Variants in CAMKK2 observed in about 807,000 individuals in gnomAD.
CAMKK2 encodes calcium/calmodulin-dependent protein kinase kinase 2.
A neutral mutation model predicts 67.2 loss-of-function variants in CAMKK2; 30 were observed. That is an observed-to-expected ratio of 0.45 (90% CI 0.33 to 0.61). CAMKK2 has a LOEUF of 0.61. Ranked by LOEUF, CAMKK2 falls within the 20% of genes least tolerant of loss-of-function variation. The pLI, the probability that CAMKK2 is intolerant of heterozygous loss-of-function variation, is 0.02. For synonymous variants in CAMKK2, 322 were observed against 326.2 expected, an observed-to-expected ratio of 0.99 and a Z score of 0.14; for missense variants, 643 against 802.0, an observed-to-expected ratio of 0.80 and a Z score of 2.39.
At chr12:121,296,736 C>G (rs1183154918), upstream of CAMKK2, 1 of 146,716 alleles carries the variant, frequency 6.8e-6, no homozygotes, top group African/African-American at 2.5e-5. The surrounding 1 kb of genome is among the most constrained non-coding windows in gnomAD (Gnocchi z 7.1). Flanking sequence ...CTCTCCTCCG[C>G]CCGGGCGGCG....
rs1898467000 is a variant in CAMKK2, at chr12:121,285,049, T to C, written c.-59-10464A>G. 1.3e-5 allele frequency among the ~76,000 whole-genome samples: 2 copies of C among 152,222 alleles called. No homozygotes were observed. Among genetic ancestry groups the C allele is most frequent in the Admixed American group, 1.3e-4 (2 of 15,274 alleles). On this transcript the variant is annotated intron_variant, in intron 1 of 16. Transcript: ENST00000404169. The surrounding 1 kb of genome is among the most constrained non-coding windows in gnomAD (Gnocchi z 4.1). ...TTAGCTGGCCTAGAGTTGAAGTTTC[T>C]TTAGTCTGATAACAGCAGCCCAATT...
chr12:121,240,235 G>A lies in CAMKK2; in HGVS notation c.*464C>T, dbSNP rs1888092253. On this transcript the variant is annotated 3_prime_UTR_variant, in exon 17 of 17. Coordinates refer to ENST00000404169, the MANE Select transcript of CAMKK2 (RefSeq NM_001270485.2). This position sits in a 1 kb window ranked among gnomAD's most constrained non-coding sequence, Gnocchi z 4.4. ...GCTCTGGAAGGTGCCATGGTTTCCGGTTTGCACTAGGAGCCACATCTAGCC... is the reference window on the plus strand; with the variant it reads ...GCTCTGGAAGGTGCCATGGTTTCCGATTTGCACTAGGAGCCACATCTAGCC... The A allele has an allele frequency of 3.3e-6, 2 of 604,942 alleles. No homozygotes were observed. Among genetic ancestry groups the A allele is most frequent in the Non-Finnish European group, 5.8e-6 (2 of 346,372 alleles). 37.5% of individuals were successfully genotyped at this position (604,942 alleles called of 1,614,324 possible).
At chr12:121,246,257 G>GC (rs57346128) in intron 14 of CAMKK2, among the ~76,000 whole-genome samples, 2 of 150,382 alleles carry the variant, frequency 1.3e-5, no homozygotes, top group African/African-American at 4.9e-5. Context: ...AAGGAGCGGG[G>GC]GGGGGGAGGC....
In CAMKK2 at chr12:121,253,195, C is replaced by A; in HGVS notation, c.1107+78G>T. ...GGGATTCACTGTTTAAGCCTGTGTG[C>A]GTTGGGTTTCTGCTGCTTACAATCC... is the stretch of plus-strand genomic sequence containing the variant. On this transcript the variant is annotated intron_variant, in intron 10 of 16. Coordinates refer to ENST00000404169, the MANE Select transcript of CAMKK2 (RefSeq NM_001270485.2). The surrounding 1 kb of genome is among the most constrained non-coding windows in gnomAD (Gnocchi z 5.0). 4 of 1,260,348 alleles carry A rather than the reference C, an allele frequency of 3.2e-6. No individual in the cohort carries two copies. Among genetic ancestry groups the A allele is most frequent in the Non-Finnish European group, 3.4e-6 (3 of 870,198 alleles). 78.1% of individuals were successfully genotyped at this position (1,260,348 alleles called of 1,614,324 possible).
chr12:121,279,553 G>T (rs972526180), intron 1 of CAMKK2, among the ~76,000 whole-genome samples: 1 of 152,202 alleles, frequency 6.6e-6, no homozygotes, highest in African/African-American at 2.4e-5. Flanking sequence ...GGAGATAACC[G>T]CCTGGCCATG....
At chr12:121,269,791 G>A (rs976510955) in intron 3 of CAMKK2, 2 of 517,728 alleles carry the variant, frequency 3.9e-6, no homozygotes, top group Non-Finnish European at 6.9e-6. Flanking sequence ...GCTCATACCT[G>A]TAATCCCAAT....
rs145444963 is a variant in CAMKK2 at position 121,271,436 on chromosome 12, T to A, written c.472-491A>T. Among the ~76,000 whole-genome samples the A allele has an allele frequency of 2.6e-3, 395 of 152,290 alleles. 5 individuals are homozygous for A. Among genetic ancestry groups the A allele is most frequent in the Admixed American group, 0.015 (235 of 15,274 alleles). On this transcript the variant is annotated intron_variant, in intron 2 of 16. Coordinates refer to ENST00000404169, the MANE Select transcript of CAMKK2 (RefSeq NM_001270485.2). ...CCACTCTCTTGACTTCTAACAACGC[T>A]GATTTTGCTTGTTGTACTTTGTCAA...
chr12:121,291,458 C>A (rs1189664739), intron 1 of CAMKK2, among the ~76,000 whole-genome samples: 1 of 152,212 alleles, frequency 6.6e-6, no homozygotes, highest in Non-Finnish European at 1.5e-5. Flanking sequence ...GAATGAAGCA[C>A]TGACAGCCAC....
chr12:121,269,673 A>G (rs1438069361), intron 3 of CAMKK2, 92 bp from the exon 4 acceptor site: 4 of 971,736 alleles, frequency 4.1e-6, no homozygotes, highest in African/African-American at 1.6e-5. Flanking sequence ...CCGGCAGCCC[A>G]TTGGTCAAAT....
intron 14 of CAMKK2, among the ~76,000 whole-genome samples, chr12:121,246,930 T>C (rs1365720057): frequency 6.7e-6 from 1 of 149,220 alleles, no homozygotes; most frequent in African/African-American, 2.5e-5. Flanking sequence ...GATGAACACA[T>C]GCAGGGGGCC....
At chr12:121,297,219 G>A, upstream of CAMKK2, 1 of 182,112 alleles carries the variant, frequency 5.5e-6, no homozygotes, top group Non-Finnish European at 1.2e-5. Flanking sequence ...CTGACCCTGG[G>A]AAAGTTCCCC....
At chr12:121,248,509 T>TGACTCCCGGGCACCC (rs1889957881) in intron 14 of CAMKK2, 97 bp downstream of exon 14, 2 of 1,466,764 alleles carry the variant, frequency 1.4e-6, no homozygotes, top group Admixed American at 3.7e-5. Context: ...CCCGGACATC[T>TGACTCCCGGGCACCC]GACTCCCGGG....
chr12:121,258,025 T>C (rs919562895), intron 7 of CAMKK2, among the ~76,000 whole-genome samples: 6 of 144,126 alleles, frequency 4.2e-5, no homozygotes, highest in African/African-American at 1.6e-4. Flanking sequence ...TTTTCTACTT[T>C]TTTTTTTTTT....
At chr12:121,261,365 T>A (rs1893413069) in intron 6 of CAMKK2, among the ~76,000 whole-genome samples, 1 of 152,152 alleles carries the variant, frequency 6.6e-6, no homozygotes, top group Non-Finnish European at 1.5e-5. Context: ...TGGCCAACTC[T>A]AGCACCAGTG....
chr12:121,282,051 G>A (rs560652253), intron 1 of CAMKK2, among the ~76,000 whole-genome samples: 1 of 152,304 alleles, frequency 6.6e-6, no homozygotes, highest in African/African-American at 2.4e-5. Context: ...AGATTTGAAG[G>A]GAGGCGGTGG....
intron 14 of CAMKK2, 60 bp downstream of exon 14, chr12:121,248,546 G>A (rs900010333): frequency 1.2e-6 from 2 of 1,606,384 alleles, no homozygotes; most frequent in Non-Finnish European, 1.7e-6. Context: ...GCCTGTCCTG[G>A]CCAGGCCCCA....
chr12:121,250,657 G>A (rs144989273), intron 11 of CAMKK2, among the ~76,000 whole-genome samples: 38 of 152,184 alleles, frequency 2.5e-4, no homozygotes, highest in African/African-American at 8.4e-4. Context: ...TATCCCTGAC[G>A]TTATCGTACA....
At chr12:121,295,151 C>T (rs1025069789) in intron 1 of CAMKK2, among the ~76,000 whole-genome samples, 1 of 152,198 alleles carries the variant, frequency 6.6e-6, no homozygotes, top group Admixed American at 6.5e-5. Context: ...CCCTGGGCAA[C>T]AGAGACTCCG....
At chr12:121,266,811 C>A (rs1375509366) in intron 5 of CAMKK2, among the ~76,000 whole-genome samples, 2 of 151,708 alleles carry the variant, frequency 1.3e-5, no homozygotes, top group Non-Finnish European at 2.9e-5. Flanking sequence ...TATCTAATTT[C>A]TCTTTTTGGC....
Sources: gnomAD v4.1 joint callset for allele counts (sites outside exome capture counted in the v4.1 genomes callset) on GRCh38, gnomAD v4.1.1 for gene constraint, Gnocchi (gnomAD v3.1) non-coding constraint, MANE v1.5 for transcripts, NCBI Gene and HGNC (gene_info 2026-07-23, HGNC 2026-07-21) for gene names.